Variants in SUGCT observed in about 807,000 individuals in gnomAD.
The protein encoded by SUGCT is succinyl-CoA:glutarate CoA-transferase.
SUGCT carries 41 observed loss-of-function variants against 55.0 expected under a neutral mutation model. The observed-to-expected ratio is 0.74, with a 90% CI of 0.58 to 0.97. The LOEUF (loss-of-function observed/expected upper bound fraction) is 0.97. Among genes scored for constraint, SUGCT ranks in the 50% least tolerant of loss-of-function variants. The probability of loss-of-function intolerance (pLI) is 0.00; values close to 1 mark genes in which losing one functional copy is unlikely to be tolerated. For missense variants in SUGCT, 568 were observed against 547.8 expected (o/e 1.04, Z -0.37); for synonymous variants, 187 against 200.4 (o/e 0.93, Z 0.56).
chr7:40,690,775 A>G (rs1422692161), intron 12 of SUGCT, among the ~76,000 whole-genome samples: 2 of 152,104 alleles, frequency 1.3e-5, no homozygotes, highest in Non-Finnish European at 2.9e-5. Flanking sequence ...ACGGGGTTTC[A>G]CCATGTTGCC....
chr7:40,950,619 G>A, the SUGCT span, among the ~76,000 whole-genome samples: 1 of 152,050 alleles, frequency 6.6e-6, no homozygotes, highest in African/African-American at 2.4e-5. Flanking sequence ...TTATTATTTT[G>A]AGATACGTCC....
chr7:40,668,710 G>T (rs1801774740), intron 12 of SUGCT, among the ~76,000 whole-genome samples: 1 of 152,158 alleles, frequency 6.6e-6, no homozygotes, highest in Non-Finnish European at 1.5e-5. Context: ...GCTAAAGAAG[G>T]TGGCAATCTG....
chr7:41,025,455 C>T, the SUGCT span, among the ~76,000 whole-genome samples: 5 of 152,004 alleles, frequency 3.3e-5, no homozygotes, highest in South Asian at 4.2e-4. Context: ...CTGCAACCAC[C>T]GCCTTCTGGG....
At chr7:40,183,357 A>G (rs189489077) in intron 3 of SUGCT, among the ~76,000 whole-genome samples, 1 of 152,312 alleles carries the variant, frequency 6.6e-6, no homozygotes, top group Admixed American at 6.5e-5. Flanking sequence ...TTTATTTTTT[A>G]GAGACAGCAT....
At chr7:40,637,354 G>T (rs1194251635) in intron 12 of SUGCT, among the ~76,000 whole-genome samples, 1 of 152,154 alleles carries the variant, frequency 6.6e-6, no homozygotes, top group East Asian at 1.9e-4. Flanking sequence ...GCCACACAAG[G>T]CAGCCTCCCC....
intron 12 of SUGCT, chr7:40,499,305 G>C (rs1052429354): frequency 1.8e-5 from 5 of 272,542 alleles, no homozygotes; most frequent in African/African-American, 1.1e-4. Flanking sequence ...AAAAATTTGA[G>C]TGCCTACTTC....
At chr7:40,356,967 T>A (rs1797911323) in intron 9 of SUGCT, among the ~76,000 whole-genome samples, 1 of 152,230 alleles carries the variant, frequency 6.6e-6, no homozygotes, top group Non-Finnish European at 1.5e-5. Flanking sequence ...CAACTGTTTT[T>A]ACTGAAAGAT....
chr7:40,946,709 G>T, the SUGCT span, among the ~76,000 whole-genome samples: 138 of 152,208 alleles, frequency 9.1e-4, 1 homozygote, highest in Admixed American at 1.8e-3. Flanking sequence ...GAACAATTTT[G>T]CTGGATATAA....
chr7:40,824,278 TTC>T (rs1320178121), intron 13 of SUGCT, among the ~76,000 whole-genome samples: 17 of 152,072 alleles, frequency 1.1e-4, no homozygotes, highest in African/African-American at 3.9e-4. Flanking sequence ...CTGATGGATG[TTC>T]TTAAAATCCA....
chr7:40,714,895 C>T (rs1785934970), intron 12 of SUGCT, among the ~76,000 whole-genome samples: 1 of 152,202 alleles, frequency 6.6e-6, no homozygotes, highest in South Asian at 2.1e-4. Context: ...ATTAATCAGT[C>T]TAAACTCCCA....
intron 12 of SUGCT, among the ~76,000 whole-genome samples, chr7:40,542,321 C>T (rs1386889231): frequency 1.3e-5 from 2 of 152,176 alleles, no homozygotes; most frequent in African/African-American, 2.4e-5. Context: ...TTTTCAGCCA[C>T]AGGTCCTGCA....
At chr7:40,216,044 T>C (rs1787612733) in intron 6 of SUGCT, among the ~76,000 whole-genome samples, 1 of 151,938 alleles carries the variant, frequency 6.6e-6, no homozygotes, top group Non-Finnish European at 1.5e-5. Context: ...ATTATTACCT[T>C]ATATAGAACA....
In SUGCT at chr7:40,513,817, T is replaced by G. The variant is rs368693634; in HGVS notation, c.1089+17431T>G. ...TTTTTTTTTTTTTTTGGAGACAGAGTCTTGGTCTGTCACCTGGGCTGGAGT... is the reference window on the plus strand; with the variant it reads ...TTTTTTTTTTTTTTTGGAGACAGAGGCTTGGTCTGTCACCTGGGCTGGAGT... On this transcript the variant is annotated intron_variant, in intron 12 of 13. Coordinates refer to ENST00000335693, the MANE Select transcript of SUGCT (RefSeq NM_001193313.2). Among the ~76,000 whole-genome samples the G allele has an allele frequency of 1.7e-4, 21 of 123,286 alleles. 1 individual carries two copies. Among genetic ancestry groups the G allele is most frequent in the African/African-American group, 6.1e-4 (19 of 31,138 alleles). The allele number at this position is 123,286 out of a possible 152,430, so 80.9% of individuals were successfully genotyped here.
At chr7:40,253,465 A>G (rs1442549756) in intron 7 of SUGCT, among the ~76,000 whole-genome samples, 1 of 152,240 alleles carries the variant, frequency 6.6e-6, no homozygotes, top group Non-Finnish European at 1.5e-5. Flanking sequence ...TGTAAGCTTT[A>G]TGAAGGCACG....
intron 9 of SUGCT, among the ~76,000 whole-genome samples, chr7:40,433,964 G>A (rs1788040916): frequency 6.6e-6 from 1 of 152,096 alleles, no homozygotes; most frequent in African/African-American, 2.4e-5. Flanking sequence ...AATATAACCT[G>A]TTATAATAAC....
At chr7:40,934,324 G>A in the SUGCT span, among the ~76,000 whole-genome samples, 3 of 152,160 alleles carry the variant, frequency 2.0e-5, no homozygotes, top group Non-Finnish European at 4.4e-5. Flanking sequence ...TCATCCCAGA[G>A]GGGCACCTAC....
intron 1 of SUGCT, among the ~76,000 whole-genome samples, chr7:40,175,973 G>A (rs374775770): frequency 2.6e-5 from 4 of 151,812 alleles, no homozygotes; most frequent in Non-Finnish European, 4.4e-5. Context: ...GGCTCATGCC[G>A]GTAATGCCAG....
chr7:40,397,052 A>C (rs1005297954), intron 9 of SUGCT, among the ~76,000 whole-genome samples: 2 of 152,196 alleles, frequency 1.3e-5, no homozygotes, highest in African/African-American at 2.4e-5. Flanking sequence ...AGAGTCATTA[A>C]TGTCATGCCA....
At chr7:40,809,023 G>A (rs1791257871) in intron 13 of SUGCT, among the ~76,000 whole-genome samples, 1 of 152,160 alleles carries the variant, frequency 6.6e-6, no homozygotes, top group Admixed American at 6.5e-5. Context: ...CTGGAAACTT[G>A]GGAAGTTGGA....
Sources: allele counts gnomAD v4.1 joint callset (sites outside exome capture counted in the v4.1 genomes callset), GRCh38; gene constraint gnomAD v4.1.1; transcripts MANE v1.5; gene names NCBI Gene and HGNC (gene_info 2026-07-23, HGNC 2026-07-21).